The following IREB2 variants were observed in gnomAD, a reference collection of about 807,000 sequenced individuals.
IREB2 encodes the protein iron responsive element binding protein 2.
Under a neutral mutation model 118.8 loss-of-function variants are expected in IREB2, and 39 were observed. That is an observed-to-expected ratio of 0.33 (90% CI 0.25 to 0.43). IREB2 has a LOEUF of 0.43. Ranked by LOEUF, IREB2 falls within the 20% of genes least tolerant of loss-of-function variation. IREB2 has a pLI of 1.00. For missense variants in IREB2, 900 were observed against 1,147.3 expected (o/e 0.78, Z 3.11); for synonymous variants, 372 against 392.2 (o/e 0.95, Z 0.61).
intron 11 of IREB2, 121 bp from the exon 12 acceptor site, chr15:78,484,640 C>T: frequency 1.5e-6 from 1 of 681,996 alleles, no homozygotes; most frequent in Non-Finnish European, 2.5e-6. Flanking sequence ...TAGCATCACT[C>T]ACAAAAAGGA....
At position 78,485,810 on chromosome 15, in the gene IREB2, G is replaced by A; in HGVS notation, c.1679G>A (p.Ser560Asn). Reference sequence around the variant, plus strand: ...ATGGTTACACATTACCTCAGTTCAAGTGGAGTATTACCATATCTAAGTAAG... The same window carrying A: ...ATGGTTACACATTACCTCAGTTCAAATGGAGTATTACCATATCTAAGTAAG... ...SGMVTHYLSS[S>N]GVLPYLSKLG... Residue 560 changes from serine to asparagine, a missense_variant, in exon 13 of 22, where the codon AGT (serine) becomes AAT (asparagine). Ser to Asn is a conservative substitution (Grantham distance 46). Coordinates refer to ENST00000258886, the MANE Select transcript of IREB2 (RefSeq NM_004136.4). 1 of 1,613,950 alleles carries A rather than the reference G, an allele frequency of 6.2e-7. No individual in the cohort carries two copies. Among genetic ancestry groups the A allele is most frequent in the Non-Finnish European group, 8.5e-7 (1 of 1,179,844 alleles).
In IREB2 at chr15:78,475,905, AGG is replaced by A. The variant is rs2051461638; in HGVS notation, c.1024-282_1024-281del. 1.8e-5 allele frequency: 4 copies of A among 225,570 alleles called. No homozygotes were observed. The East Asian group carries it at 3.6e-4, about 20-fold the overall frequency. 14.0% of individuals were successfully genotyped at this position (225,570 alleles called of 1,614,324 possible). Reference sequence around the variant, plus strand: ...CCTAAACAGACACACTATTGAGTTGAGGTACCCTGATTTCAAAGACATGAAAA... The same window carrying A: ...CCTAAACAGACACACTATTGAGTTGATACCCTGATTTCAAAGACATGAAAA... On this transcript the variant is annotated intron_variant, in intron 8 of 21. Transcript: ENST00000258886.
In IREB2 at chr15:78,470,525, CT is replaced by C; in HGVS notation, c.630-3del. The C allele has an allele frequency of 2.5e-6, 4 of 1,576,162 alleles. No individual in the cohort carries two copies. The highest frequency in any genetic ancestry group is 3.5e-6 in the Non-Finnish European group (4 of 1,155,304). On this transcript the variant is annotated splice_region_variant and splice_polypyrimidine_tract_variant and intron_variant, in intron 5 of 21. Coordinates refer to ENST00000258886, the MANE Select transcript of IREB2 (RefSeq NM_004136.4). ...ATACGTTTAATGCCAGCTCTTCTTC[CT>C]TTTAGACCTGAAACAGTGTTAAAAA...
At chr15:78,439,265 C>T (rs1347903389) in intron 1 of IREB2, among the ~76,000 whole-genome samples, 6 of 151,748 alleles carry the variant, frequency 4.0e-5, no homozygotes, top group African/African-American at 1.5e-4. Flanking sequence ...CTGGTAAGGA[C>T]TTAACTGAGA....
intron 2 of IREB2, among the ~76,000 whole-genome samples, chr15:78,440,268 G>A (rs1253425137): frequency 6.6e-6 from 1 of 152,068 alleles, no homozygotes. Flanking sequence ...GATTACACAT[G>A]TAAGCTACTG....
chr15:78,500,824 C>T lies in IREB2; in HGVS notation c.*2681C>T, dbSNP rs775322690. On this transcript the variant is annotated 3_prime_UTR_variant, in exon 22 of 22. Transcript: ENST00000258886. ...CTATTTTGTTTTATCTCCATGCTGA[C>T]ATTTGAAAGAAGGTACTAGTATCCC... 6.6e-6 allele frequency: 1 copy of T among 152,142 alleles called. No individual in the cohort carries two copies. Among genetic ancestry groups the T allele is most frequent in the Admixed American group, 6.5e-5 (1 of 15,272 alleles). 9.4% of individuals were successfully genotyped at this position (152,142 alleles called of 1,614,324 possible).
At chr15:78,450,329 A>G (rs941031279) in intron 2 of IREB2, among the ~76,000 whole-genome samples, 9 of 152,242 alleles carry the variant, frequency 5.9e-5, no homozygotes, top group African/African-American at 1.9e-4. Context: ...GAGTAATTGT[A>G]ATACAGGATA....
In IREB2 at chr15:78,476,169, C is replaced by T; in HGVS notation, c.1024-19C>T. ...TATCTTTGCAATTTTGTATGTGTTTCTGTGTATTCCTTATATAGCACCTCA... is the reference window on the plus strand; with the variant it reads ...TATCTTTGCAATTTTGTATGTGTTTTTGTGTATTCCTTATATAGCACCTCA... On this transcript the variant is annotated intron_variant, in intron 8 of 21. Coordinates refer to ENST00000258886, the MANE Select transcript of IREB2 (RefSeq NM_004136.4). The T allele has an allele frequency of 6.6e-7, 1 of 1,525,218 alleles. No individual in the cohort carries two copies. The highest frequency in any genetic ancestry group is 1.3e-5 in the South Asian group (1 of 77,836). 94.5% of individuals were successfully genotyped at this position (1,525,218 alleles called of 1,614,324 possible).
In IREB2 at chr15:78,494,136, C is replaced by A. The variant is rs1404267507; in HGVS notation, c.2473-6C>A. On this transcript the variant is annotated splice_region_variant and splice_polypyrimidine_tract_variant and intron_variant, in intron 19 of 21. Coordinates refer to ENST00000258886, the MANE Select transcript of IREB2 (RefSeq NM_004136.4). ...TAAAAAATTTTGTGTTTGTTTTAATCTACAGCTAGATGTATTTGAGGCTGC... is the reference window on the plus strand; with the variant it reads ...TAAAAAATTTTGTGTTTGTTTTAATATACAGCTAGATGTATTTGAGGCTGC... 6.2e-7 allele frequency: 1 copy of A among 1,613,030 alleles called. No individual in the cohort carries two copies. The highest frequency in any genetic ancestry group is 1.7e-5 in the Admixed American group (1 of 59,696).
chr15:78,465,545 T>C (rs1453660745), intron 4 of IREB2, among the ~76,000 whole-genome samples, 157 bp downstream of exon 4: 2 of 152,226 alleles, frequency 1.3e-5, no homozygotes, highest in Non-Finnish European at 2.9e-5. Flanking sequence ...GAAAAGTTTA[T>C]GGAGTGGTGG....
intron 10 of IREB2, chr15:78,480,008 T>A (rs2051539667): frequency 6.6e-6 from 1 of 152,220 alleles, no homozygotes. Flanking sequence ...AAAATTCATT[T>A]TCTAGGAGTG....
At chr15:78,489,036 A>T (rs1032907596) in intron 16 of IREB2, among the ~76,000 whole-genome samples, 1 of 152,186 alleles carries the variant, frequency 6.6e-6, no homozygotes, top group Non-Finnish European at 1.5e-5. Context: ...CCTGACCAAC[A>T]TGGAGAAACC....
At position 78,470,569 on chromosome 15, in the gene IREB2, G is replaced by A. The variant is rs1351526372; in HGVS notation, c.667G>A (p.Gly223Ser). 14 of 1,592,610 alleles carry A rather than the reference G, an allele frequency of 8.8e-6. No homozygotes were observed. The highest frequency in any genetic ancestry group is 1.7e-4 in the Middle Eastern group (1 of 5,996). ...TVLKNQEVEF[G>S]RNRERLQFFK... The stretch of plus-strand genomic sequence containing the variant: ...GTTAAAAAATCAAGAAGTAGAATTC[G>A]GCAGAAATCGAGAGAGGCTTCAGTT... The change falls in exon 6 of 22, where the codon GGC (glycine) becomes AGC (serine). Residue 223 changes from glycine (G) to serine (S), a missense_variant. Transcript: ENST00000258886.
chr15:78,466,695 T>C (rs2051289348), intron 5 of IREB2, among the ~76,000 whole-genome samples: 1 of 152,174 alleles, frequency 6.6e-6, no homozygotes, highest in Non-Finnish European at 1.5e-5. Context: ...CTCTTACCAT[T>C]ACTAAGAAAG....
intron 2 of IREB2, among the ~76,000 whole-genome samples, chr15:78,461,315 C>T (rs987347607): frequency 6.6e-6 from 1 of 152,222 alleles, no homozygotes; most frequent in Admixed American, 6.5e-5. Context: ...ACATAGAGAC[C>T]TATGGTTAAA....
At chr15:78,485,967 C>A (rs1206828336) in intron 13 of IREB2, 127 bp downstream of exon 13, 39 of 769,904 alleles carry the variant, frequency 5.1e-5, no homozygotes, top group Non-Finnish European at 7.6e-5. Context: ...TGCTACCTTG[C>A]CATTACCATA....
At chr15:78,447,332 A>ATTT (rs778920348) in intron 2 of IREB2, among the ~76,000 whole-genome samples, 23 of 138,450 alleles carry the variant, frequency 1.7e-4, no homozygotes, top group East Asian at 1.1e-3. Context: ...CACCTGGCTA[A>ATTT]TTTTTTTTTT....
In IREB2 at chr15:78,471,673, T is replaced by C. The variant is rs73461597; in HGVS notation, c.700-68T>C. 9.4e-3 allele frequency: 8,748 copies of C among 930,074 alleles called. 472 individuals are homozygous for C. The African/African-American group carries it at 0.12, about 13-fold the overall frequency. The allele number at this position is 930,074 out of a possible 1,614,324, so 57.6% of individuals were successfully genotyped here. ...GTTAAAATATTTTTAATGTTAATAT[T>C]ACACCTTGATTGTGAGCACAAATTT... On this transcript the variant is annotated intron_variant, in intron 6 of 21. Coordinates refer to ENST00000258886, the MANE Select transcript of IREB2 (RefSeq NM_004136.4).
Position 78,473,354 on chromosome 15 carries a change from C to T in IREB2, c.996C>T (p.Ser332=), listed in dbSNP as rs115884650. 100 of 1,613,522 alleles carry T rather than the reference C, an allele frequency of 6.2e-5. No homozygotes were observed. In the African/African-American group the frequency reaches 1.1e-3, roughly 17 times the overall value. ...GGTCATCAAACCCTTTTGTTACATC[C>T]ATAGATGTTGTTCTTGGTATTACAA... ...LTGSSNPFVT[S]IDVVLGITKH... The change falls in exon 8 of 22, where the codon TCC becomes TCT. Residue 332 remains serine (S), a synonymous_variant. Transcript: ENST00000258886.
Sources: allele counts gnomAD v4.1 joint callset (sites outside exome capture counted in the v4.1 genomes callset), GRCh38; gene constraint gnomAD v4.1.1; transcripts MANE v1.5; gene names NCBI Gene and HGNC (gene_info 2026-07-23, HGNC 2026-07-21).